The following NUP62 variants were observed in gnomAD, a reference collection of about 807,000 sequenced individuals.
NUP62 encodes the protein nucleoporin 62, also known as nuclear pore glycoprotein p62.
For synonymous variants in NUP62, 305 were observed against 303.4 expected (o/e 1.01, Z -0.05); for missense variants, 647 against 689.4 (o/e 0.94, Z 0.69).
In NUP62 at chr19:49,909,579, C is replaced by T. The variant is rs1459588219; in HGVS notation, c.229G>A (p.Gly77Arg). The T allele has an allele frequency of 1.9e-6, 3 of 1,614,048 alleles. No individual in the cohort carries two copies. The highest frequency in any genetic ancestry group is 1.3e-5 in the African/African-American group (1 of 74,914). Reference sequence around the variant, plus strand: ...CCCCCCGAAGCAAGAGTCGCTGTTCCAAAAGTGAAGCCTGTCGTCTGTGTG... The same window carrying T: ...CCCCCCGAAGCAAGAGTCGCTGTTCTAAAAGTGAAGCCTGTCGTCTGTGTG... Reference protein sequence around the residue: ...PATQTTGFTFGTATLASGGTG... With the variant: ...PATQTTGFTFRTATLASGGTG... Residue 77 changes from glycine (G) to arginine (R), a missense_variant, in exon 3 of 3, where the codon GGA becomes AGA. Transcript: ENST00000352066.
rs1430149424 is a variant in NUP62, at chr19:49,909,453, T to C, written c.355A>G (p.Ser119Gly). The C allele has an allele frequency of 1.9e-6, 3 of 1,613,986 alleles. No homozygotes were observed. Among genetic ancestry groups the C allele is most frequent in the Admixed American group, 1.7e-5 (1 of 60,000 alleles). Residue 119 changes from serine (S) to glycine (G), a missense_variant, in exon 3 of 3, where the codon AGC becomes GGC. Transcript: ENST00000352066. Reference sequence around the variant, plus strand: ...CTCGATATGGCATTAGTGAGGTTGCTGCTGCCCAGCCCAAAGCCGCTGGGG... The same window carrying C: ...CTCGATATGGCATTAGTGAGGTTGCCGCTGCCCAGCCCAAAGCCGCTGGGG... ...ANPSGFGLGS[S>G]NLTNAISSTV... is the part of the protein sequence containing the mutation.
intron 2 of NUP62, among the ~76,000 whole-genome samples, chr19:49,918,241 T>A (rs1384594932): frequency 2.0e-5 from 3 of 152,098 alleles, no homozygotes; most frequent in African/African-American, 7.2e-5. Context: ...AATATTCGAT[T>A]TTTTGTAGAG....
At chr19:49,918,790 C>G (rs12977375) in intron 2 of NUP62, among the ~76,000 whole-genome samples, 16,820 of 151,640 alleles carry the variant, frequency 0.11, 1,308 homozygotes, top group African/African-American at 0.2. Flanking sequence ...ACCCAGGAGG[C>G]CGCACCACCC....
chr19:49,921,225 A>G lies in NUP62; in HGVS notation c.-78+6469T>C, dbSNP rs1433142227. Among the ~76,000 whole-genome samples the G allele has an allele frequency of 6.6e-6, 1 of 152,170 alleles. No homozygotes were observed. Among genetic ancestry groups the G allele is most frequent in the Non-Finnish European group, 1.5e-5 (1 of 68,032 alleles). On this transcript the variant is annotated intron_variant, in intron 2 of 2. Transcript: ENST00000352066. This position sits in a 1 kb window ranked among gnomAD's most constrained non-coding sequence, Gnocchi z 5.4. ...CATTTATAAATGAGCAAACTGAGAA[A>G]GGGGAGAGGACTTCAGTCACCTGCG...
chr19:49,922,243 G>A (rs1303855645), intron 2 of NUP62, among the ~76,000 whole-genome samples: 1 of 152,182 alleles, frequency 6.6e-6, no homozygotes, highest in Non-Finnish European at 1.5e-5. Flanking sequence ...CCTTATTGAG[G>A]TGCCCTGCGA....
chr19:49,912,175 T>C (rs2075482846), intron 2 of NUP62, among the ~76,000 whole-genome samples: 1 of 150,350 alleles, frequency 6.7e-6, no homozygotes, highest in African/African-American at 2.4e-5. Context: ...CCTTTTTTTT[T>C]TTTTTTTTTT....
At chr19:49,923,803 G>A (rs2075819996) in intron 2 of NUP62, among the ~76,000 whole-genome samples, 2 of 152,374 alleles carry the variant, frequency 1.3e-5, no homozygotes, top group African/African-American at 4.8e-5. Context: ...CAGAAGTGGT[G>A]GAGTTGGGGT....
Position 49,907,253 on chromosome 19 carries a change from A to C in NUP62, c.*986T>G. The C allele has an allele frequency of 3.4e-6, 1 of 292,668 alleles. No homozygotes were observed. The highest frequency in any genetic ancestry group is 2.7e-5 in the South Asian group (1 of 36,620). The allele number at this position is 292,668 out of a possible 1,614,324, so 18.1% of individuals were successfully genotyped here. A position where few individuals can be genotyped will look rare whatever the true frequency, so the allele number is the denominator to read the frequency against. On this transcript the variant is annotated 3_prime_UTR_variant, in exon 3 of 3. Coordinates refer to ENST00000352066, the MANE Select transcript of NUP62 (RefSeq NM_016553.5). Reference sequence around the variant, plus strand: ...GCTCAGGGTGCTACGGGGACCTGCAAGAAGGCCACCTGAGCTTCGGGTAGC... The same window carrying C: ...GCTCAGGGTGCTACGGGGACCTGCACGAAGGCCACCTGAGCTTCGGGTAGC...
At chr19:49,920,443 C>T (rs895834109) in intron 2 of NUP62, among the ~76,000 whole-genome samples, 5 of 152,182 alleles carry the variant, frequency 3.3e-5, no homozygotes, top group Non-Finnish European at 7.3e-5. Context: ...GGCTGCACAA[C>T]TCTGTCAACG....
chr19:49,920,950 CG>C (rs2075752797), intron 2 of NUP62, among the ~76,000 whole-genome samples: 1 of 152,110 alleles, frequency 6.6e-6, no homozygotes, highest in Non-Finnish European at 1.5e-5. Context: ...GGGCCCAGGC[CG>C]GGCTGTGGTG....
At chr19:49,915,617 G>A (rs1209527514) in intron 2 of NUP62, among the ~76,000 whole-genome samples, 1 of 152,248 alleles carries the variant, frequency 6.6e-6, no homozygotes, top group South Asian at 2.1e-4. Context: ...GTTGAGGGAC[G>A]ATGGAGAAAG....
chr19:49,908,634 CCTGGTCCAGCCTCTT>C lies in NUP62; in HGVS notation c.1159_1173del (p.Lys387_Gln391del), dbSNP rs750978387. ...TGCTGGGACAGGATGAAGTCGAGCT[CCTGGTCCAGCCTCTT>C]CTGGTCCAGCTTCACCTTCTCCACC... On this transcript the variant is annotated inframe_deletion, in exon 3 of 3. Coordinates refer to ENST00000352066, the MANE Select transcript of NUP62 (RefSeq NM_016553.5). 2 of 1,613,222 alleles carry C rather than the reference CCTGGTCCAGCCTCTT, an allele frequency of 1.2e-6. No individual in the cohort carries two copies. Among genetic ancestry groups the C allele is most frequent in the East Asian group, 2.2e-5 (1 of 44,884 alleles).
chr19:49,926,648 A>C (rs1308505429), intron 2 of NUP62, among the ~76,000 whole-genome samples: 1 of 152,182 alleles, frequency 6.6e-6, no homozygotes, highest in East Asian at 1.9e-4. Flanking sequence ...CGTCCTTACC[A>C]CTGGCAGTCT....
chr19:49,917,970 C>CACT (rs1266441844), intron 2 of NUP62, among the ~76,000 whole-genome samples: 2 of 152,154 alleles, frequency 1.3e-5, no homozygotes, highest in African/African-American at 4.8e-5. Flanking sequence ...CGCACTACTG[C>CACT]ACTCCAGCCT....
chr19:49,906,985 A>T lies in NUP62; in HGVS notation c.*1254T>A, dbSNP rs189025201. The T allele has an allele frequency of 6.5e-6, 1 of 153,736 alleles. No individual in the cohort carries two copies. Among genetic ancestry groups the T allele is most frequent in the Non-Finnish European group, 1.4e-5 (1 of 68,984 alleles). The allele number at this position is 153,736 out of a possible 1,614,324, so 9.5% of individuals were successfully genotyped here. A position where few individuals can be genotyped will look rare whatever the true frequency, so the allele number is the denominator to read the frequency against. On this transcript the variant is annotated 3_prime_UTR_variant, in exon 3 of 3. Coordinates refer to ENST00000352066, the MANE Select transcript of NUP62 (RefSeq NM_016553.5). The stretch of plus-strand genomic sequence containing the variant: ...GATTTTACTGTAACTGACTAGAGTT[A>T]CTCTGGTGCCACTAAGTTCCGAGCC...
intron 2 of NUP62, among the ~76,000 whole-genome samples, chr19:49,926,246 A>C (rs2075885907): frequency 6.8e-6 from 1 of 147,572 alleles, no homozygotes; most frequent in African/African-American, 2.5e-5. Context: ...GTCTTGCTTA[A>C]GACTGGGTGT....
At chr19:49,925,993 G>A (rs977540034) in intron 2 of NUP62, among the ~76,000 whole-genome samples, 2 of 151,692 alleles carry the variant, frequency 1.3e-5, no homozygotes, top group Non-Finnish European at 2.9e-5. Context: ...GGCAGATCAC[G>A]AGGTCATGAG....
intron 2 of NUP62, chr19:49,911,382 A>G (rs2075458423): frequency 6.6e-6 from 1 of 152,246 alleles, no homozygotes; most frequent in Non-Finnish European, 1.5e-5. Flanking sequence ...TCAAAAAAAC[A>G]AAAGAATAAT....
intron 2 of NUP62, among the ~76,000 whole-genome samples, chr19:49,924,681 G>A (rs2075842954): frequency 6.6e-6 from 1 of 152,224 alleles, no homozygotes; most frequent in Non-Finnish European, 1.5e-5. Flanking sequence ...GGGACTCAGG[G>A]TTCGAAGATC....
Sources: allele counts gnomAD v4.1 joint callset (sites outside exome capture counted in the v4.1 genomes callset), GRCh38; gene constraint gnomAD v4.1.1; non-coding constraint Gnocchi (gnomAD v3.1); transcripts MANE v1.5; gene names NCBI Gene and HGNC (gene_info 2026-07-23, HGNC 2026-07-21).